The following ZW10 variants were observed in gnomAD, a reference collection of about 807,000 sequenced individuals.
ZW10 encodes centromere/kinetochore protein zw10 homolog.
A neutral mutation model predicts 87.8 loss-of-function variants in ZW10; 53 were observed. The ratio of observed to expected loss-of-function variants is 0.60; its 90% CI spans 0.48 to 0.76. The LOEUF (loss-of-function observed/expected upper bound fraction) is 0.76. ZW10 is among the 30% of genes least tolerant of loss of function. The pLI is 0.00. For missense variants in ZW10, 837 were observed against 923.0 expected (o/e 0.91, Z 1.21); for synonymous variants, 312 against 329.2 (o/e 0.95, Z 0.57).
intron 9 of ZW10, 137 bp from the exon 10 acceptor site, chr11:113,744,177 G>A (rs764365406): frequency 1.7e-4 from 112 of 663,212 alleles, no homozygotes; most frequent in Non-Finnish European, 1.6e-4. Context: ...CACGAGGTCA[G>A]GAGATCGAGA....
At chr11:113,748,900 C>T (rs1565283109) in intron 7 of ZW10, among the ~76,000 whole-genome samples, 1 of 152,122 alleles carries the variant, frequency 6.6e-6, no homozygotes. Flanking sequence ...TGTTATGGTG[C>T]ATTTTTCGAA....
Position 113,773,682 on chromosome 11 carries a change from C to T in ZW10, c.-16G>A. On this transcript the variant is annotated 5_prime_UTR_variant, in exon 1 of 16. Coordinates refer to ENST00000200135, the MANE Select transcript of ZW10 (RefSeq NM_004724.4). Reference sequence around the variant, plus strand: ...ACGAGGCCATGGCCAAGACGGGAACCAACGCTGACTGGGTCACTCTCGTAG... The same window carrying T: ...ACGAGGCCATGGCCAAGACGGGAACTAACGCTGACTGGGTCACTCTCGTAG... 6.2e-7 allele frequency: 1 copy of T among 1,610,322 alleles called. No individual in the cohort carries two copies. The highest frequency in any genetic ancestry group is 8.5e-7 in the Non-Finnish European group (1 of 1,177,304).
intron 2 of ZW10, among the ~76,000 whole-genome samples, chr11:113,766,122 G>A (rs985658285): frequency 6.6e-6 from 1 of 152,160 alleles, no homozygotes; most frequent in Non-Finnish European, 1.5e-5. Context: ...TGTAATCCCA[G>A]CACTTTGGGA....
In ZW10 at chr11:113,744,049, C is replaced by T. The variant is rs746466972; in HGVS notation, c.1273-9G>A. ...TTAGAATCAGGAATAATCTAAGATT[C>T]AAACACAAAAATACAGAAAATATAT... On this transcript the variant is annotated splice_polypyrimidine_tract_variant and intron_variant, in intron 9 of 15. Transcript: ENST00000200135. 22 of 1,576,548 alleles carry T rather than the reference C, an allele frequency of 1.4e-5. No homozygotes were observed. The South Asian group carries it at 2.3e-4, about 17-fold the overall frequency.
chr11:113,764,223 T>TCTGTTTTGGTACCAGTACCATG (rs1953890101), intron 2 of ZW10, among the ~76,000 whole-genome samples: 1 of 152,218 alleles, frequency 6.6e-6, no homozygotes, highest in Non-Finnish European at 1.5e-5. Context: ...GGTCTATATG[T>TCTGTTTTGGTACCAGTACCATG]CTGTTTTGGT....
chr11:113,739,239 T>C lies in ZW10; in HGVS notation c.1727A>G (p.Asp576Gly), dbSNP rs763428319. 5 of 1,613,926 alleles carry C rather than the reference T, an allele frequency of 3.1e-6. No individual in the cohort carries two copies. The highest frequency in any genetic ancestry group is 3.4e-6 in the Non-Finnish European group (4 of 1,179,920). Residue 576 changes from aspartate (D) to glycine (G), a missense_variant, in exon 12 of 16, where the codon GAT becomes GGT. Transcript: ENST00000200135. The part of the protein sequence containing the change: ...ILCDGTATFV[D>G]LVPGFRRLGT... ...AAGTCTCCTGAAGCCAGGTACAAGA[T>C]CCACAAAAGTAGCAGTGCCATCACA...
At chr11:113,745,063 T>C (rs1277250967) in intron 9 of ZW10, among the ~76,000 whole-genome samples, 1 of 151,796 alleles carries the variant, frequency 6.6e-6, no homozygotes, top group African/African-American at 2.4e-5. Context: ...AAATAACTCA[T>C]TCTCATTCAA....
At chr11:113,742,144 A>C (rs1953626365) in intron 10 of ZW10, among the ~76,000 whole-genome samples, 2 of 152,250 alleles carry the variant, frequency 1.3e-5, no homozygotes, top group Admixed American at 6.5e-5. Context: ...CAAGGTATCA[A>C]TAAAAGCACT....
chr11:113,738,591 C>T (rs1287955113), intron 12 of ZW10, among the ~76,000 whole-genome samples, 197 bp from the exon 13 acceptor site: 3 of 152,106 alleles, frequency 2.0e-5, no homozygotes, highest in Non-Finnish European at 2.9e-5. Flanking sequence ...CAAACCCCAC[C>T]CTCCAGATAA....
intron 1 of ZW10, chr11:113,771,788 C>A (rs1394032189): frequency 6.6e-6 from 1 of 152,204 alleles, no homozygotes; most frequent in Non-Finnish European, 1.5e-5. Context: ...CTGCCTCAGC[C>A]TCCAGAGTAG....
intron 3 of ZW10, 45 bp downstream of exon 3, chr11:113,760,772 C>T (rs370989335): frequency 2.6e-6 from 4 of 1,542,430 alleles, no homozygotes; most frequent in Non-Finnish European, 8.9e-7. Context: ...ACTAATGAGA[C>T]CTTCCCACCA....
chr11:113,749,469 T>C (rs1953713563), intron 7 of ZW10, among the ~76,000 whole-genome samples: 1 of 152,156 alleles, frequency 6.6e-6, no homozygotes, highest in African/African-American at 2.4e-5. Flanking sequence ...GTGTCTTGAT[T>C]GTAGTGGTGG....
At chr11:113,768,297 G>T (rs1228591866) in intron 2 of ZW10, among the ~76,000 whole-genome samples, 1 of 152,142 alleles carries the variant, frequency 6.6e-6, no homozygotes, top group African/African-American at 2.4e-5. Flanking sequence ...AAATGGTACA[G>T]TGTTCAGGGC....
intron 9 of ZW10, among the ~76,000 whole-genome samples, chr11:113,745,348 C>A (rs1380158061): frequency 1.3e-5 from 2 of 151,330 alleles, no homozygotes; most frequent in Non-Finnish European, 2.9e-5. Context: ...AGGCTCCCTA[C>A]TCCCACTGCA....
At chr11:113,737,731 GAAGA>G in intron 13 of ZW10, 28 bp from the exon 14 acceptor site, 1 of 1,563,432 alleles carries the variant, frequency 6.4e-7, no homozygotes, top group Non-Finnish European at 8.7e-7. Flanking sequence ...TATTTACGTG[GAAGA>G]AAGATTACTG....
At chr11:113,746,516 C>CAAAAAAAAAAAAAAA (rs1953678825) in intron 9 of ZW10, among the ~76,000 whole-genome samples, 1 of 101,772 alleles carries the variant, frequency 9.8e-6, no homozygotes. Context: ...AAAAAAAAAA[C>CAAAAAAAAAAAAAAA]AACAACAAAA....
At chr11:113,756,573 G>A (rs1054809439) in intron 7 of ZW10, among the ~76,000 whole-genome samples, 6 of 152,136 alleles carry the variant, frequency 3.9e-5, no homozygotes, top group African/African-American at 1.4e-4. Context: ...GTACAGGTAA[G>A]AAATGTGAGT....
At chr11:113,766,698 A>AAAAAAAAAAAT in intron 2 of ZW10, among the ~76,000 whole-genome samples, 1 of 119,444 alleles carries the variant, frequency 8.4e-6, no homozygotes, top group Non-Finnish European at 1.7e-5. Flanking sequence ...AAAAAAAAAA[A>AAAAAAAAAAAT]TTAATTTTTA....
At chr11:113,759,099 G>A (rs895576381) in intron 5 of ZW10, among the ~76,000 whole-genome samples, 1 of 152,172 alleles carries the variant, frequency 6.6e-6, no homozygotes, top group African/African-American at 2.4e-5. Context: ...TTGGGGCTGA[G>A]GCAGAAGGAT....
Sources: gnomAD v4.1 joint callset for allele counts (sites outside exome capture counted in the v4.1 genomes callset) on GRCh38, gnomAD v4.1.1 for gene constraint, MANE v1.5 for transcripts, NCBI Gene and HGNC (gene_info 2026-07-23, HGNC 2026-07-21) for gene names.